Variants in AFG1L observed in about 807,000 individuals in gnomAD.
The protein encoded by AFG1L is AFG1 like ATPase, also known as AFG1-like ATPase.
In AFG1L, 53 loss-of-function variants were observed where a neutral mutation model predicts 62.2. The ratio of observed to expected loss-of-function variants is 0.85; its 90% confidence interval spans 0.68 to 1.07. The LOEUF (loss-of-function observed/expected upper bound fraction) is 1.07. AFG1L is among the 50% of genes least tolerant of loss of function. The pLI, the probability that AFG1L is intolerant of heterozygous loss-of-function variation, is 0.00. For missense variants in AFG1L, 555 were observed against 590.5 expected, an observed-to-expected ratio of 0.94 and a Z score of 0.62; for synonymous variants, 228 against 210.3, an observed-to-expected ratio of 1.08 and a Z score of -0.73.
At chr6:108,413,451 C>A (rs1782208753) in intron 7 of AFG1L, among the ~76,000 whole-genome samples, 1 of 152,194 alleles carries the variant, frequency 6.6e-6, no homozygotes, top group South Asian at 2.1e-4. Context: ...CACCCCAAAT[C>A]AACAGAATAT....
At chr6:108,353,408 G>C (rs754890900) in intron 3 of AFG1L, among the ~76,000 whole-genome samples, 12 of 151,830 alleles carry the variant, frequency 7.9e-5, no homozygotes, top group Admixed American at 2.6e-4. Flanking sequence ...CTCCCTCCTC[G>C]GCCTCCCAAA....
chr6:108,504,592 T>C (rs1774327307), intron 10 of AFG1L, among the ~76,000 whole-genome samples: 1 of 152,150 alleles, frequency 6.6e-6, no homozygotes, highest in African/African-American at 2.4e-5. Flanking sequence ...GTTAACAAAA[T>C]GTGACACAGA....
At chr6:108,354,863 TTC>T in intron 3 of AFG1L, among the ~76,000 whole-genome samples, 1 of 152,300 alleles carries the variant, frequency 6.6e-6, no homozygotes, top group South Asian at 2.1e-4. Context: ...GATAAGAGGG[TTC>T]TACTACTAAT....
At chr6:108,480,659 G>A (rs780590268) in intron 10 of AFG1L, among the ~76,000 whole-genome samples, 6 of 152,084 alleles carry the variant, frequency 3.9e-5, no homozygotes, top group Non-Finnish European at 5.9e-5. Flanking sequence ...TTAGCCGGGC[G>A]TGGTGGCAAG....
At chr6:108,371,774 T>C (rs1780018150) in intron 6 of AFG1L, among the ~76,000 whole-genome samples, 1 of 152,166 alleles carries the variant, frequency 6.6e-6, no homozygotes, top group Admixed American at 6.5e-5. Flanking sequence ...TTATTTATTT[T>C]TAGAGACAGA....
In AFG1L at chr6:108,494,302, A is replaced by T. The variant is rs543350070; in HGVS notation, c.1063-15910A>T. ...TCAGTTTCAGGATCCCCAGAATTAGACATCTCCAGAATTTGGAGATCTCTT... is the reference window on the plus strand; with the variant it reads ...TCAGTTTCAGGATCCCCAGAATTAGTCATCTCCAGAATTTGGAGATCTCTT... On this transcript the variant is annotated intron_variant, in intron 10 of 12. Transcript: ENST00000368977. Among the ~76,000 whole-genome samples the T allele has an allele frequency of 5.3e-5, 8 of 152,052 alleles. No individual in the cohort carries two copies. In the East Asian group the frequency reaches 1.5e-3, roughly 29 times the overall value.
chr6:108,453,668 G>A (rs575263299), intron 8 of AFG1L, among the ~76,000 whole-genome samples: 4 of 152,314 alleles, frequency 2.6e-5, no homozygotes, highest in South Asian at 4.1e-4. Context: ...TCAGATTAAT[G>A]AAACTTAAAA....
intron 6 of AFG1L, chr6:108,387,974 A>G (rs938241599): frequency 1.3e-5 from 2 of 152,138 alleles, no homozygotes; most frequent in African/African-American, 2.4e-5. Context: ...TGAACTCTTT[A>G]AACAAATGAG....
chr6:108,313,098 G>A (rs1453424773), intron 1 of AFG1L, among the ~76,000 whole-genome samples: 1 of 152,156 alleles, frequency 6.6e-6, no homozygotes, highest in Non-Finnish European at 1.5e-5. Flanking sequence ...ACTGGCCAGG[G>A]TGGTGATCAC....
chr6:108,296,526 G>A (rs1014620706), intron 1 of AFG1L, among the ~76,000 whole-genome samples: 1 of 151,962 alleles, frequency 6.6e-6, no homozygotes. Flanking sequence ...TATATTCTGT[G>A]TATGTATAAG....
chr6:108,500,486 T>C (rs1774152268), intron 10 of AFG1L, among the ~76,000 whole-genome samples: 1 of 152,146 alleles, frequency 6.6e-6, no homozygotes, highest in Admixed American at 6.5e-5. Flanking sequence ...CCAATACTGA[T>C]ATATATACAT....
At chr6:108,337,797 A>G (rs1167881286) in intron 2 of AFG1L, among the ~76,000 whole-genome samples, 1 of 152,204 alleles carries the variant, frequency 6.6e-6, no homozygotes, top group Non-Finnish European at 1.5e-5. Flanking sequence ...AAATATTATA[A>G]TGTTCATCTT....
At chr6:108,399,552 T>C (rs1193858788) in intron 6 of AFG1L, among the ~76,000 whole-genome samples, 1 of 151,992 alleles carries the variant, frequency 6.6e-6, no homozygotes, top group Non-Finnish European at 1.5e-5. Flanking sequence ...AATGGGATTA[T>C]TTTTTAAATT....
At chr6:108,506,002 G>A (rs544638848) in intron 10 of AFG1L, among the ~76,000 whole-genome samples, 30 of 152,198 alleles carry the variant, frequency 2.0e-4, no homozygotes, top group Admixed American at 5.9e-4. Context: ...GAAAAATTGC[G>A]AAAATTAAGA....
intron 7 of AFG1L, among the ~76,000 whole-genome samples, chr6:108,412,348 A>G (rs1272525614): frequency 6.6e-6 from 1 of 152,222 alleles, no homozygotes; most frequent in African/African-American, 2.4e-5. Context: ...TCTTCAGGGT[A>G]TTATCCAGGA....
chr6:108,525,733 A>G lies in AFG1L; in HGVS notation c.*3308A>G, dbSNP rs1554207525. The G allele has an allele frequency of 6.6e-6, 1 of 152,230 alleles. No individual in the cohort carries two copies. Among genetic ancestry groups the G allele is most frequent in the Non-Finnish European group, 1.5e-5 (1 of 68,048 alleles). 9.4% of individuals were successfully genotyped at this position (152,230 alleles called of 1,614,324 possible). ...ACACAGAAAACAGCTAAAACAGATTAATGAATTGCTAAGATATAACCGAAG... is the reference window on the plus strand; with the variant it reads ...ACACAGAAAACAGCTAAAACAGATTGATGAATTGCTAAGATATAACCGAAG... On this transcript the variant is annotated 3_prime_UTR_variant, in exon 13 of 13. Transcript: ENST00000368977.
intron 8 of AFG1L, among the ~76,000 whole-genome samples, chr6:108,449,009 G>A (rs1481598431): frequency 6.6e-6 from 1 of 151,906 alleles, no homozygotes; most frequent in Non-Finnish European, 1.5e-5. Context: ...AATAGTGGGT[G>A]TGGTGGCACC....
chr6:108,308,069 T>C (rs1777272073), intron 1 of AFG1L, among the ~76,000 whole-genome samples: 1 of 152,258 alleles, frequency 6.6e-6, no homozygotes, highest in South Asian at 2.1e-4. Context: ...GCAAGTATTT[T>C]CTCCCAGTCT....
At chr6:108,522,128 T>C in intron 12 of AFG1L, 169 bp from the exon 13 acceptor site, 1 of 496,036 alleles carries the variant, frequency 2.0e-6, no homozygotes, top group South Asian at 2.8e-5. Context: ...TCAGTTTAAA[T>C]TGGTTGACTC....
Sources: allele counts gnomAD v4.1 joint callset (sites outside exome capture counted in the v4.1 genomes callset), GRCh38; gene constraint gnomAD v4.1.1; transcripts MANE v1.5; gene names NCBI Gene and HGNC (gene_info 2026-07-23, HGNC 2026-07-21).